Variants in TGS1 observed in about 807,000 individuals in gnomAD.
TGS1 encodes trimethylguanosine synthase.
A neutral mutation model predicts 92.2 loss-of-function variants in TGS1; 69 were observed. The ratio of observed to expected loss-of-function variants is 0.75; its 90% CI spans 0.62 to 0.91. The LOEUF (loss-of-function observed/expected upper bound fraction) is 0.91. TGS1 is among the 40% of genes least tolerant of loss of function. The pLI, the probability that TGS1 is intolerant of heterozygous loss-of-function variation, is 0.00. For synonymous variants in TGS1, 345 were observed against 338.1 expected (o/e 1.02, Z -0.22); for missense variants, 1,062 against 1,001.2 (o/e 1.06, Z -0.82).
intron 4 of TGS1, among the ~76,000 whole-genome samples, chr8:55,788,720 T>C (rs1811789462): frequency 1.3e-5 from 2 of 152,210 alleles, no homozygotes; most frequent in South Asian, 4.1e-4. Flanking sequence ...CGCCTCAGCC[T>C]CCCAAAGTGC....
At chr8:55,818,749 C>T (rs768292838) in intron 12 of TGS1, among the ~76,000 whole-genome samples, 7 of 152,162 alleles carry the variant, frequency 4.6e-5, no homozygotes, top group African/African-American at 1.2e-4. Context: ...AACTTTTCTC[C>T]GTAAATGATG....
At chr8:55,821,137 ATGT>A (rs1216024385) in intron 12 of TGS1, among the ~76,000 whole-genome samples, 2 of 152,218 alleles carry the variant, frequency 1.3e-5, no homozygotes, top group Non-Finnish European at 2.9e-5. Context: ...TGAAAGTAAC[ATGT>A]TAAGTTTTTA....
intron 5 of TGS1, among the ~76,000 whole-genome samples, chr8:55,791,995 T>G (rs527906928): frequency 2.0e-5 from 3 of 152,218 alleles, no homozygotes; most frequent in Admixed American, 6.5e-5. Context: ...ATATAGCTTC[T>G]GGAAAAACAA....
chr8:55,781,426 A>G (rs1384193092), intron 1 of TGS1, among the ~76,000 whole-genome samples: 1 of 150,108 alleles, frequency 6.7e-6, no homozygotes, highest in Non-Finnish European at 1.5e-5. Context: ...AAAGTAAATA[A>G]GTAACCTTCA....
intron 6 of TGS1, among the ~76,000 whole-genome samples, chr8:55,794,285 G>A (rs1312148115): frequency 6.6e-6 from 1 of 151,886 alleles, no homozygotes; most frequent in African/African-American, 2.4e-5. Context: ...TAAACTCTTG[G>A]CCTCAAGTGA....
intron 1 of TGS1, among the ~76,000 whole-genome samples, chr8:55,780,659 C>G (rs879740479): frequency 6.6e-6 from 1 of 152,182 alleles, no homozygotes; most frequent in Non-Finnish European, 1.5e-5. Context: ...TAACTTCCCC[C>G]TGAATCAGCT....
intron 1 of TGS1, among the ~76,000 whole-genome samples, chr8:55,774,334 C>T (rs1331735974): frequency 6.6e-6 from 1 of 152,148 alleles, no homozygotes; most frequent in African/African-American, 2.4e-5. Flanking sequence ...AGTTAAACCA[C>T]TTGAACCTTT....
At chr8:55,790,874 T>C (rs940334722) in intron 5 of TGS1, among the ~76,000 whole-genome samples, 1 of 152,156 alleles carries the variant, frequency 6.6e-6, no homozygotes, top group African/African-American at 2.4e-5. Flanking sequence ...TTTTTTGTGA[T>C]TATTGGGTAG....
chr8:55,805,007 C>T lies in TGS1; in HGVS notation c.2114C>T (p.Thr705Ile). ...GCATTCTGTGGAGTTGGAGGAAATA[C>T]CATTCAGTTTGCCTTAACAGGAATG... ...VDAFCGVGGN[T>I]IQFALTGMRV... The change falls in exon 10 of 13, where the codon ACC becomes ATC. Residue 705 changes from threonine to isoleucine, a missense_variant. Transcript: ENST00000260129. 2 of 1,613,820 alleles carry T rather than the reference C, an allele frequency of 1.2e-6. No homozygotes were observed. The highest frequency in any genetic ancestry group is 2.2e-5 in the East Asian group (1 of 44,870).
intron 12 of TGS1, 56 bp downstream of exon 12, chr8:55,813,174 G>A: frequency 8.0e-7 from 1 of 1,251,868 alleles, no homozygotes; most frequent in Admixed American, 1.8e-5. Flanking sequence ...TACAAGTACG[G>A]TAAAAGATAC....
intron 1 of TGS1, among the ~76,000 whole-genome samples, chr8:55,776,307 G>T (rs943670628): frequency 2.1e-5 from 3 of 142,974 alleles, no homozygotes; most frequent in East Asian, 2.0e-4. Context: ...TTGAGACAGA[G>T]TCTCGCTTTG....
chr8:55,796,613 G>T (rs911788269), intron 7 of TGS1, among the ~76,000 whole-genome samples: 4 of 150,390 alleles, frequency 2.7e-5, no homozygotes, highest in Non-Finnish European at 5.9e-5. Flanking sequence ...GCCTGAACCC[G>T]GGAGGCGAAG....
chr8:55,795,341 T>C (rs1356712767), intron 6 of TGS1, among the ~76,000 whole-genome samples: 2 of 152,206 alleles, frequency 1.3e-5, no homozygotes, highest in African/African-American at 2.4e-5. Context: ...AGACCTGATA[T>C]TTAAACCCAG....
intron 4 of TGS1, 190 bp from the exon 5 acceptor site, chr8:55,789,992 T>C: frequency 1.9e-6 from 1 of 519,954 alleles, no homozygotes; most frequent in Non-Finnish European, 3.5e-6. Context: ...TAACAAACCT[T>C]ATAGTTAAGA....
intron 6 of TGS1, among the ~76,000 whole-genome samples, chr8:55,794,863 ATC>A (rs1811995886): frequency 1.3e-5 from 2 of 152,210 alleles, no homozygotes; most frequent in African/African-American, 4.8e-5. Flanking sequence ...GGTCCTACTT[ATC>A]TGTTTCATAA....
intron 5 of TGS1, among the ~76,000 whole-genome samples, chr8:55,791,985 A>G (rs968142632): frequency 1.3e-5 from 2 of 152,196 alleles, no homozygotes; most frequent in East Asian, 1.9e-4. Flanking sequence ...CTTGTACTCC[A>G]TATAGCTTCT....
chr8:55,785,058 G>GTTTTTTTTTTTTT (rs1262385274), intron 2 of TGS1, among the ~76,000 whole-genome samples: 2 of 143,588 alleles, frequency 1.4e-5, no homozygotes, highest in South Asian at 2.2e-4. Context: ...GGTGTTTTTT[G>GTTTTTTTTTTTTT]TTTTTTGTTT....
Position 55,792,734 on chromosome 8 carries a change from CT to C in TGS1, c.1320del (p.Phe440LeufsTer8). ...ACATTGATGAAAACCCAGCTTCAGA[CT>C]TTGATGACAGTGGTTCCCTTCTAGG... ...LDIDENPASD[F>X]DDSGSLLGFK... On this transcript the variant is annotated frameshift_variant, in exon 6 of 13. Coordinates refer to ENST00000260129, the MANE Select transcript of TGS1 (RefSeq NM_024831.8). LOFTEE classifies it high-confidence loss of function. 6.2e-7 allele frequency: 1 copy of C among 1,613,892 alleles called. No homozygotes were observed. Among genetic ancestry groups the C allele is most frequent in the Non-Finnish European group, 8.5e-7 (1 of 1,179,854 alleles).
rs151066817 is a variant in TGS1, at chr8:55,787,029, G to A, written c.1131G>A (p.Ser377=). The A allele has an allele frequency of 3.9e-4, 625 of 1,613,478 alleles. 3 individuals are homozygous for A. In the African/African-American group the frequency reaches 7.1e-3, roughly 18 times the overall value. The stretch of plus-strand genomic sequence containing the variant: ...GAACCAATGAGGAAAGCAACTCATC[G>A]GGGAATACAAACACAGACCCACCAG... The part of the protein sequence containing the change: ...NGGTNEESNS[S]GNTNTDPPAE... Residue 377 remains serine (S), a synonymous_variant, in exon 4 of 13, where the codon TCG becomes TCA. Transcript: ENST00000260129.
Sources: gnomAD v4.1 joint callset for allele counts (sites outside exome capture counted in the v4.1 genomes callset) on GRCh38, gnomAD v4.1.1 for gene constraint, MANE v1.5 for transcripts, NCBI Gene and HGNC (gene_info 2026-07-23, HGNC 2026-07-21) for gene names.